ADCYAP1R1: variants seen among roughly 807,000 people sequenced by gnomAD.
ADCYAP1R1 encodes ADCYAP receptor type I.
ADCYAP1R1 carries 44 observed loss-of-function variants against 67.6 expected under a neutral mutation model. The ratio of observed to expected loss-of-function variants is 0.65; its 90% CI spans 0.51 to 0.84. ADCYAP1R1 has a LOEUF of 0.84. ADCYAP1R1 is among the 40% of genes least tolerant of loss of function. The pLI is 0.00. For synonymous variants in ADCYAP1R1, 222 were observed against 219.6 expected, an observed-to-expected ratio of 1.01 and a Z score of -0.10; for missense variants, 477 against 587.9, an observed-to-expected ratio of 0.81 and a Z score of 1.95.
chr7:31,080,989 A>G (rs556821064), intron 5 of ADCYAP1R1, among the ~76,000 whole-genome samples: 1 of 152,344 alleles, frequency 6.6e-6, no homozygotes, highest in East Asian at 1.9e-4. Flanking sequence ...CCATGCAGAT[A>G]TTGACATCCC....
chr7:31,085,266 C>G, intron 8 of ADCYAP1R1, 44 bp from the exon 9 acceptor site: 1 of 1,592,954 alleles, frequency 6.3e-7, no homozygotes, highest in Non-Finnish European at 8.5e-7. Flanking sequence ...GTGTGAAATG[C>G]TGTGGGGTCC....
intron 3 of ADCYAP1R1, among the ~76,000 whole-genome samples, chr7:31,071,143 A>G (rs947085764): frequency 7.9e-5 from 12 of 152,168 alleles, no homozygotes; most frequent in Admixed American, 1.3e-4. Context: ...GCCCTGCTCT[A>G]TGGAGTTTTG....
chr7:31,095,807 G>T, intron 13 of ADCYAP1R1: 1 of 708,336 alleles, frequency 1.4e-6, no homozygotes, highest in Non-Finnish European at 2.6e-6. Context: ...GACCAAGACG[G>T]TATTCCTGGC....
intron 7 of ADCYAP1R1, 103 bp downstream of exon 7, chr7:31,084,353 C>A: frequency 1.1e-6 from 1 of 876,832 alleles, no homozygotes; most frequent in Non-Finnish European, 1.9e-6. Context: ...TGAGAAGCAA[C>A]TGGGATGCTG....
intron 15 of ADCYAP1R1, 75 bp from the exon 16 acceptor site, chr7:31,106,420 GC>G: frequency 6.7e-7 from 1 of 1,490,954 alleles, no homozygotes; most frequent in Non-Finnish European, 9.0e-7. Context: ...CCTGGGAAGG[GC>G]CCCAGGCCAG....
At position 31,052,765 on chromosome 7, in the gene ADCYAP1R1, C is replaced by A. The variant is rs1394843365; in HGVS notation, c.-72+87C>A. 4.6e-5 allele frequency: 7 copies of A among 152,430 alleles called. No homozygotes were observed. In the East Asian group the frequency reaches 1.2e-3, roughly 25 times the overall value. 9.4% of individuals were successfully genotyped at this position (152,430 alleles called of 1,614,324 possible). On this transcript the variant is annotated intron_variant, in intron 1 of 15. Transcript: ENST00000304166. ...CCTTCGCCCAGCCGGGACCTCGGAT[C>A]CCCTCCTCTGGCTTGGCGGTCTCCG... is the stretch of plus-strand genomic sequence containing the variant.
chr7:31,077,732 T>C (rs1296192855), intron 3 of ADCYAP1R1, among the ~76,000 whole-genome samples: 1 of 148,262 alleles, frequency 6.7e-6, no homozygotes, highest in African/African-American at 2.5e-5. Flanking sequence ...GTGTGGTGTA[T>C]GTGTGATGTA....
chr7:31,097,791 A>C (rs1434777293), intron 13 of ADCYAP1R1, among the ~76,000 whole-genome samples: 1 of 150,314 alleles, frequency 6.7e-6, no homozygotes, highest in Non-Finnish European at 1.5e-5. Context: ...TAAGCTTGGC[A>C]TGTAGGAGGC....
At chr7:31,073,660 G>A (rs1562636001) in intron 3 of ADCYAP1R1, among the ~76,000 whole-genome samples, 1 of 152,164 alleles carries the variant, frequency 6.6e-6, no homozygotes, top group Non-Finnish European at 1.5e-5. Context: ...GGAGGTGGGA[G>A]CCTGCTGGGT....
chr7:31,106,309 A>G lies in ADCYAP1R1; in HGVS notation c.1219-187A>G, dbSNP rs184116486. Among the ~76,000 whole-genome samples the G allele has an allele frequency of 1.1e-4, 17 of 152,294 alleles. 1 individual carries two copies. The highest frequency in any genetic ancestry group is 5.2e-4 in the Admixed American group (8 of 15,298). ...GGGGCTGTTCCGGTCAGCTCCTCAG[A>G]GGCTTCCTTGCCTACAGCTGCTAAA... On this transcript the variant is annotated intron_variant, in intron 15 of 15. Coordinates refer to ENST00000304166, the MANE Select transcript of ADCYAP1R1 (RefSeq NM_001118.5).
At chr7:31,071,350 T>C (rs985043154) in intron 3 of ADCYAP1R1, among the ~76,000 whole-genome samples, 7 of 151,746 alleles carry the variant, frequency 4.6e-5, no homozygotes, top group Non-Finnish European at 1.5e-5. Flanking sequence ...CTAGGGAGAG[T>C]GTACGCAGCA....
intron 4 of ADCYAP1R1, 108 bp downstream of exon 4, chr7:31,078,206 C>T (rs188230760): frequency 1.1e-4 from 90 of 787,544 alleles, no homozygotes; most frequent in Middle Eastern, 5.8e-4. Context: ...CAGACAGTCC[C>T]TGCTCCTGAG....
chr7:31,101,610 G>C lies in ADCYAP1R1; in HGVS notation c.1047-1627G>C, dbSNP rs576436532. ...TTCATTCCTTCTGCAAGCACCCTCT[G>C]TTGCCTTCTGGTGCCAGGCATGGAT... On this transcript the variant is annotated intron_variant, in intron 13 of 15. Transcript: ENST00000304166. Among the ~76,000 whole-genome samples the C allele has an allele frequency of 1.2e-3, 178 of 152,328 alleles. 1 individual carries two copies. Among genetic ancestry groups the C allele is most frequent in the African/African-American group, 4.3e-3 (178 of 41,580 alleles).
rs535020374 is a variant in ADCYAP1R1 at position 31,103,005 on chromosome 7, G to C, written c.1047-232G>C. The stretch of plus-strand genomic sequence containing the variant: ...GTAAATCGTGTGCACATTTTTAGTG[G>C]TTCTACAGGCTATTGACTGAGTGTC... On this transcript the variant is annotated intron_variant, in intron 13 of 15. Transcript: ENST00000304166. Among the ~76,000 whole-genome samples, 363 of 152,270 alleles carry C rather than the reference G, an allele frequency of 2.4e-3. 2 individuals carry two copies. The highest frequency in any genetic ancestry group is 3.7e-3 in the Non-Finnish European group (255 of 68,024).
rs1795641998 is a variant in ADCYAP1R1 at position 31,084,207 on chromosome 7, A to T, written c.395A>T (p.Asp132Val). 6.2e-7 allele frequency: 1 copy of T among 1,614,114 alleles called. No homozygotes were observed. Among genetic ancestry groups the T allele is most frequent in the Non-Finnish European group, 8.5e-7 (1 of 1,180,040 alleles). The change falls in exon 7 of 16, where the codon GAT (aspartate) becomes GTT (valine). Residue 132 changes from aspartate (D) to valine (V), a missense_variant. Physicochemically the swap from Asp to Val is radical, Grantham distance 152. Transcript: ENST00000304166. ...TCGGAACCCTTCCCTCATTACTTTG[A>T]TGCCTGTGGGTTTGATGAATATGAA... Reference protein sequence around the residue: ...GWSEPFPHYFDACGFDEYESE... With the variant: ...GWSEPFPHYFVACGFDEYESE...
chr7:31,100,451 G>A (rs1476499450), intron 13 of ADCYAP1R1, among the ~76,000 whole-genome samples: 1 of 152,126 alleles, frequency 6.6e-6, no homozygotes, highest in African/African-American at 2.4e-5. Context: ...TCCTGAGGAA[G>A]CAGCACCCCC....
intron 1 of ADCYAP1R1, chr7:31,057,249 C>A: frequency 6.5e-6 from 1 of 152,854 alleles, no homozygotes. Flanking sequence ...CTGCCTTCTT[C>A]CTCCCCCTCC....
In ADCYAP1R1 at chr7:31,085,961, G is replaced by A. The variant is rs1795727925; in HGVS notation, c.670-423G>A. ...CCTTGACCAGGAGGACATGCTTGGG[G>A]AGCCTCTATGAGTAGAGATTTCTGG... On this transcript the variant is annotated intron_variant, in intron 9 of 15. Coordinates refer to ENST00000304166, the MANE Select transcript of ADCYAP1R1 (RefSeq NM_001118.5). Among the ~76,000 whole-genome samples, 6 of 152,170 alleles carry A rather than the reference G, an allele frequency of 3.9e-5. No individual in the cohort carries two copies. The South Asian group carries it at 1.2e-3, about 31-fold the overall frequency.
intron 3 of ADCYAP1R1, among the ~76,000 whole-genome samples, chr7:31,065,154 G>C (rs1313273579): frequency 6.6e-6 from 1 of 152,210 alleles, no homozygotes; most frequent in East Asian, 1.9e-4. Context: ...GCTGTTCTGG[G>C]TGACTGGACA....
Sources: allele counts gnomAD v4.1 joint callset (sites outside exome capture counted in the v4.1 genomes callset), GRCh38; gene constraint gnomAD v4.1.1; transcripts MANE v1.5; gene names NCBI Gene and HGNC (gene_info 2026-07-23, HGNC 2026-07-21).